The following SUDS3 variants were observed in gnomAD, a reference collection of about 807,000 sequenced individuals.
The protein encoded by SUDS3 is sin3 histone deacetylase corepressor complex component SDS3.
SUDS3 carries 23 observed loss-of-function variants against 53.5 expected under a neutral mutation model. The ratio of observed to expected loss-of-function variants is 0.43; its 90% CI spans 0.31 to 0.61. SUDS3 has a LOEUF of 0.61. Among genes scored for constraint, SUDS3 ranks in the 20% least tolerant of loss-of-function variants. The pLI is 0.10. For synonymous variants in SUDS3, 150 were observed against 148.5 expected (o/e 1.01, Z -0.08); for missense variants, 291 against 405.9 (o/e 0.72, Z 2.43).
chr12:118,411,700 A>G (rs1159146236), intron 11 of SUDS3, among the ~76,000 whole-genome samples: 1 of 151,728 alleles, frequency 6.6e-6, no homozygotes, highest in African/African-American at 2.4e-5. Flanking sequence ...ATGGGGTTTC[A>G]CCACGTTGGT....
intron 3 of SUDS3, among the ~76,000 whole-genome samples, chr12:118,385,072 A>G (rs1005597323): frequency 6.6e-6 from 1 of 151,120 alleles, no homozygotes; most frequent in Non-Finnish European, 1.5e-5. Context: ...TCGGTTTCAT[A>G]TTGTGGAGTC....
chr12:118,380,150 A>C lies in SUDS3; in HGVS notation c.143-12A>C, dbSNP rs762066191. ...TGATTTTAACTAGCCCCTATTTCCT[A>C]ACTTTATTCAGACACTGAGGATGCT... On this transcript the variant is annotated splice_polypyrimidine_tract_variant and intron_variant, in intron 1 of 11. Coordinates refer to ENST00000543473, the MANE Select transcript of SUDS3 (RefSeq NM_022491.3). 2.5e-6 allele frequency: 4 copies of C among 1,601,056 alleles called. No homozygotes were observed. The East Asian group carries it at 8.9e-5, about 36-fold the overall frequency.
At chr12:118,408,299 G>T (rs1026826850) in intron 10 of SUDS3, among the ~76,000 whole-genome samples, 2 of 150,786 alleles carry the variant, frequency 1.3e-5, no homozygotes, top group Non-Finnish European at 3.0e-5. Context: ...CTCCCAAAGT[G>T]CTAGGATTAC....
At chr12:118,410,143 G>A (rs765828833) in intron 10 of SUDS3, among the ~76,000 whole-genome samples, 1 of 152,218 alleles carries the variant, frequency 6.6e-6, no homozygotes, top group African/African-American at 2.4e-5. Flanking sequence ...TGATAGTGGA[G>A]AACTTGTGGC....
At chr12:118,396,647 A>G (rs2046217980) in intron 6 of SUDS3, among the ~76,000 whole-genome samples, 1 of 152,228 alleles carries the variant, frequency 6.6e-6, no homozygotes, top group Admixed American at 6.5e-5. Context: ...TAGTTAAAGT[A>G]TGTTGCATTG....
At chr12:118,386,945 T>C (rs1423015728) in intron 4 of SUDS3, among the ~76,000 whole-genome samples, 1 of 152,168 alleles carries the variant, frequency 6.6e-6, no homozygotes, top group Admixed American at 6.5e-5. Context: ...AGCCAGCAGT[T>C]TGGGTGCCAG....
At chr12:118,381,366 G>A (rs533449052) in intron 2 of SUDS3, among the ~76,000 whole-genome samples, 23 of 151,450 alleles carry the variant, frequency 1.5e-4, no homozygotes, top group Admixed American at 1.1e-3. Context: ...CACCATGCCC[G>A]GCTAATTTTT....
intron 2 of SUDS3, 100 bp downstream of exon 2, chr12:118,380,331 T>A: frequency 9.6e-7 from 1 of 1,038,902 alleles, no homozygotes; most frequent in Non-Finnish European, 1.4e-6. Flanking sequence ...CTCCAAAATC[T>A]AAAACTTCCT....
At chr12:118,401,907 TTA>T in intron 8 of SUDS3, 74 bp from the exon 9 acceptor site, 1 of 1,599,208 alleles carries the variant, frequency 6.3e-7, no homozygotes, top group Non-Finnish European at 8.6e-7. Context: ...TTGTTAATCA[TTA>T]TGATACCTTT....
intron 6 of SUDS3, among the ~76,000 whole-genome samples, chr12:118,393,133 T>A (rs1357188661): frequency 6.6e-6 from 1 of 152,220 alleles, no homozygotes; most frequent in East Asian, 1.9e-4. Context: ...GACAAGGTGC[T>A]GGAGCTAGAA....
intron 11 of SUDS3, among the ~76,000 whole-genome samples, chr12:118,411,436 C>T (rs2046358488): frequency 6.6e-6 from 1 of 152,164 alleles, no homozygotes; most frequent in South Asian, 2.1e-4. Flanking sequence ...GAGCTAGATT[C>T]CAGGAAAGAA....
Position 118,402,012 on chromosome 12 carries a change from C to T in SUDS3, c.697+8C>T, listed in dbSNP as rs748409760. The stretch of plus-strand genomic sequence containing the variant: ...AGTCACCCAAGAGACCAGGTGAGTG[C>T]ATGATGTGTTGGCATTTGTGCAACC... On this transcript the variant is annotated splice_region_variant and intron_variant, in intron 9 of 11. Coordinates refer to ENST00000543473, the MANE Select transcript of SUDS3 (RefSeq NM_022491.3). The T allele has an allele frequency of 5.0e-6, 8 of 1,613,906 alleles. No individual in the cohort carries two copies. The South Asian group carries it at 8.8e-5, about 18-fold the overall frequency.
intron 6 of SUDS3, among the ~76,000 whole-genome samples, 194 bp from the exon 7 acceptor site, chr12:118,400,465 T>C (rs1043958595): frequency 6.6e-5 from 10 of 152,192 alleles, no homozygotes; most frequent in African/African-American, 2.4e-4. Flanking sequence ...TTAGGGCAGC[T>C]GGTCTGAATC....
intron 9 of SUDS3, 97 bp downstream of exon 9, chr12:118,402,101 A>T (rs911333311): frequency 2.8e-6 from 4 of 1,416,704 alleles, no homozygotes; most frequent in Non-Finnish European, 4.0e-6. Context: ...ATTTTCAAAA[A>T]TGAAATGTTC....
Position 118,403,439 on chromosome 12 carries a change from C to T in SUDS3, c.725C>T (p.Pro242Leu), listed in dbSNP as rs745864666. The change falls in exon 10 of 12, where the codon CCT (proline) becomes CTT (leucine). Residue 242 changes from proline (P) to leucine (L), a missense_variant. Physicochemically the swap from Pro to Leu is moderately conservative, Grantham distance 98 (BLOSUM62 -3). Coordinates refer to ENST00000543473, the MANE Select transcript of SUDS3 (RefSeq NM_022491.3). ...PASPSSPEHL[P>L]ATPAESPAQR... ...TCTCCATCCTCTCCTGAGCACTTGC[C>T]TGCAACACCCGCGGAATCTCCAGCC... The T allele has an allele frequency of 6.2e-7, 1 of 1,613,696 alleles. No individual in the cohort carries two copies. Among genetic ancestry groups the T allele is most frequent in the South Asian group, 1.1e-5 (1 of 90,924 alleles).
At position 118,415,450 on chromosome 12, in the gene SUDS3, T is replaced by G. The variant is rs1278620898; in HGVS notation, c.*1017T>G. On this transcript the variant is annotated 3_prime_UTR_variant, in exon 12 of 12. Coordinates refer to ENST00000543473, the MANE Select transcript of SUDS3 (RefSeq NM_022491.3). ...AGGCCCTGAGCGCTCACAGCTTCATTTGGCCCAGGTTGAAGACAAGGAAAG... is the reference window on the plus strand; with the variant it reads ...AGGCCCTGAGCGCTCACAGCTTCATGTGGCCCAGGTTGAAGACAAGGAAAG... The G allele has an allele frequency of 6.6e-6, 1 of 152,120 alleles. No individual in the cohort carries two copies. The allele number at this position is 152,120 out of a possible 1,614,324, so 9.4% of individuals were successfully genotyped here.
At position 118,395,974 on chromosome 12, in the gene SUDS3, C is replaced by G. The variant is rs76399626; in HGVS notation, c.518-4685C>G. ...GGATTACAGACATGAACCACCGTGC[C>G]CAGCCCTAACATTCATTCTTATTCC... On this transcript the variant is annotated intron_variant, in intron 6 of 11. Transcript: ENST00000543473. 9.7e-3 allele frequency among the ~76,000 whole-genome samples: 1,483 copies of G among 152,220 alleles called. 10 individuals carry two copies. The highest frequency in any genetic ancestry group is 0.017 in the Non-Finnish European group (1,160 of 68,022).
intron 6 of SUDS3, among the ~76,000 whole-genome samples, chr12:118,396,978 G>C (rs146402438): frequency 1.4e-3 from 214 of 152,250 alleles, no homozygotes; most frequent in Middle Eastern, 0.01. Context: ...TCATATTGCA[G>C]GGTGGTTTGG....
chr12:118,395,564 G>A (rs1291313558), intron 6 of SUDS3, among the ~76,000 whole-genome samples: 1 of 151,996 alleles, frequency 6.6e-6, no homozygotes. Context: ...GTGCAGAGAG[G>A]AAGGCTCGAC....
Sources: gnomAD v4.1 joint callset for allele counts (sites outside exome capture counted in the v4.1 genomes callset) on GRCh38, gnomAD v4.1.1 for gene constraint, MANE v1.5 for transcripts, NCBI Gene and HGNC (gene_info 2026-07-23, HGNC 2026-07-21) for gene names.